The following UNC13C variants were observed in gnomAD, a reference collection of about 807,000 sequenced individuals.
UNC13C encodes the protein protein unc-13 homolog C.
UNC13C carries 174 observed loss-of-function variants against 245.4 expected under a neutral mutation model. The observed-to-expected ratio is 0.71, with a 90% CI of 0.63 to 0.80. The LOEUF is 0.80. Among genes scored for constraint, UNC13C ranks in the 30% least tolerant of loss-of-function variants. The pLI, the probability that UNC13C is intolerant of heterozygous loss-of-function variation, is 0.00. For synonymous variants in UNC13C, 992 were observed against 895.1 expected (o/e 1.11, Z -1.93); for missense variants, 2,829 against 2,602.9 (o/e 1.09, Z -1.89).
At chr15:54,544,239 C>T (rs1266116048) in intron 26 of UNC13C, among the ~76,000 whole-genome samples, 1 of 152,094 alleles carries the variant, frequency 6.6e-6, no homozygotes, top group Admixed American at 6.5e-5. Context: ...TGATAAAATT[C>T]AACAGCCCTT....
At chr15:53,906,493 A>G in the UNC13C span, among the ~76,000 whole-genome samples, 1 of 152,166 alleles carries the variant, frequency 6.6e-6, no homozygotes, top group Non-Finnish European at 1.5e-5. Context: ...TCTAGCAACT[A>G]TTCTTCTTTT....
chr15:54,495,681 A>C (rs1286858932), intron 20 of UNC13C, among the ~76,000 whole-genome samples: 1 of 152,084 alleles, frequency 6.6e-6, no homozygotes, highest in Non-Finnish European at 1.5e-5. Flanking sequence ...TTTTAAAAAA[A>C]TAATGTAGGA....
At chr15:54,380,912 C>G (rs2039710188) in intron 17 of UNC13C, among the ~76,000 whole-genome samples, 1 of 152,088 alleles carries the variant, frequency 6.6e-6, no homozygotes, top group Non-Finnish European at 1.5e-5. Flanking sequence ...TATAAGCTGT[C>G]CCTTCACTAT....
chr15:54,295,680 C>CAACA lies in UNC13C; in HGVS notation c.3988+1618_3988+1619insCAAA, dbSNP rs1555445454. Among the ~76,000 whole-genome samples the CAACA allele has an allele frequency of 4.0e-3, 596 of 149,548 alleles. 14 individuals carry two copies. The highest frequency in any genetic ancestry group is 0.014 in the African/African-American group (570 of 40,112). On this transcript the variant is annotated intron_variant, in intron 11 of 32. Transcript: ENST00000260323. Reference sequence around the variant, plus strand: ...AAAAATAAATACATAAGAAGAAGAACAAAAAGAAAAACCATGTACCAGACT... The same window carrying CAACA: ...AAAAATAAATACATAAGAAGAAGAACAACAAAAAAGAAAAACCATGTACCAGACT...
At chr15:53,877,364 T>C in the UNC13C span, among the ~76,000 whole-genome samples, 31 of 152,032 alleles carry the variant, frequency 2.0e-4, no homozygotes, top group African/African-American at 6.8e-4. Context: ...TGAGAGAAAC[T>C]CTTAGAAACA....
chr15:54,144,828 A>G (rs1331984385), intron 4 of UNC13C, among the ~76,000 whole-genome samples: 1 of 152,182 alleles, frequency 6.6e-6, no homozygotes, highest in African/African-American at 2.4e-5. Flanking sequence ...TATGGTAAAT[A>G]TATCACAATA....
Position 54,316,485 on chromosome 15 carries a change from A to G in UNC13C, c.4269-5454A>G, listed in dbSNP as rs147594238. 4.6e-5 allele frequency among the ~76,000 whole-genome samples: 7 copies of G among 151,978 alleles called. No homozygotes were observed. The East Asian group carries it at 1.4e-3, about 30-fold the overall frequency. The stretch of plus-strand genomic sequence containing the variant: ...GACATCTCCCCTGACCCTCCTCACC[A>G]GGCTGTGATATACACATTCTAACTG... On this transcript the variant is annotated intron_variant, in intron 13 of 32. Coordinates refer to ENST00000260323, the MANE Select transcript of UNC13C (RefSeq NM_001080534.3).
intron 2 of UNC13C, among the ~76,000 whole-genome samples, chr15:54,016,863 T>C (rs4776200): frequency 0.65 from 98,590 of 152,012 alleles, 32,033 homozygotes; most frequent in East Asian, 0.76. Context: ...TCATCATTAA[T>C]TAAGCTATTA....
At chr15:54,237,773 A>G (rs939376649) in intron 7 of UNC13C, 83 bp downstream of exon 7, 2 of 1,153,426 alleles carry the variant, frequency 1.7e-6, no homozygotes, top group Non-Finnish European at 2.5e-6. Context: ...TGAGCTACTC[A>G]TCTGTGATGT....
At chr15:54,042,582 G>C (rs964740771) in intron 2 of UNC13C, among the ~76,000 whole-genome samples, 1 of 152,134 alleles carries the variant, frequency 6.6e-6, no homozygotes. Flanking sequence ...GGCCGGGTGT[G>C]GTGGGTCACG....
At chr15:53,965,179 T>A in the UNC13C span, among the ~76,000 whole-genome samples, 1 of 152,184 alleles carries the variant, frequency 6.6e-6, no homozygotes, top group African/African-American at 2.4e-5. Flanking sequence ...GTAAAATTTT[T>A]AATGTAAAAA....
rs576882366 is a variant in UNC13C, at chr15:54,487,830, A to C, written c.4934-6778A>C. ...AAGAAATTTGATTACCATAATTTAC[A>C]ATTGTGACTAATCTTTCCTTTTTTC... On this transcript the variant is annotated intron_variant, in intron 19 of 32. Transcript: ENST00000260323. Among the ~76,000 whole-genome samples the C allele has an allele frequency of 7.9e-5, 12 of 150,976 alleles. 1 individual carries two copies. In the East Asian group the frequency reaches 2.4e-3, roughly 30 times the overall value.
chr15:54,011,110 G>A (rs1248047967), intron 1 of UNC13C, among the ~76,000 whole-genome samples: 1 of 152,054 alleles, frequency 6.6e-6, no homozygotes, highest in Non-Finnish European at 1.5e-5. Context: ...GGCTAGAGAG[G>A]ACATAAAAGT....
intron 2 of UNC13C, among the ~76,000 whole-genome samples, chr15:54,080,860 G>T (rs561365381): frequency 6.6e-6 from 1 of 151,860 alleles, no homozygotes; most frequent in Non-Finnish European, 1.5e-5. Context: ...TTTGCATTTG[G>T]TTAGTTTTTG....
chr15:53,925,153 G>A, the UNC13C span, among the ~76,000 whole-genome samples: 1 of 152,028 alleles, frequency 6.6e-6, no homozygotes, highest in African/African-American at 2.4e-5. Context: ...TTAATGGAGG[G>A]AATAAATGTA....
rs371199628 is a variant in UNC13C, at chr15:54,143,019, T to A, written c.2985T>A (p.Asp995Glu). 6.2e-7 allele frequency: 1 copy of A among 1,611,966 alleles called. No homozygotes were observed. The highest frequency in any genetic ancestry group is 8.5e-7 in the Non-Finnish European group (1 of 1,179,092). ...AELEEKILAGDSSSVDEKARI... is the reference protein window; with the variant it reads ...AELEEKILAGESSSVDEKARI... ...CTTCTTTTCCTGATTCTCTTTCAGA[T>A]AGCAGTTCTGTGGATGAAAAGGTTT... Residue 995 changes from aspartate to glutamate, a missense_variant and splice_region_variant, in exon 3 of 33, where the codon GAT becomes GAA. Coordinates refer to ENST00000260323, the MANE Select transcript of UNC13C (RefSeq NM_001080534.3).
chr15:54,453,085 C>T (rs150468331), intron 19 of UNC13C, among the ~76,000 whole-genome samples: 7 of 152,272 alleles, frequency 4.6e-5, no homozygotes, highest in South Asian at 2.1e-4. Context: ...GTATGAGGGA[C>T]CAAACCTGAG....
At chr15:54,583,214 A>G (rs993417757) in intron 30 of UNC13C, among the ~76,000 whole-genome samples, 6 of 152,200 alleles carry the variant, frequency 3.9e-5, no homozygotes, top group Non-Finnish European at 7.3e-5. Flanking sequence ...AACTATAACC[A>G]TAGGCAGTTT....
At chr15:54,085,292 G>A (rs776145654) in intron 2 of UNC13C, among the ~76,000 whole-genome samples, 4 of 152,172 alleles carry the variant, frequency 2.6e-5, no homozygotes, top group Non-Finnish European at 5.9e-5. Context: ...TTCTAGAAGT[G>A]TCAGCCGGAA....
Sources: gnomAD v4.1 joint callset for allele counts (sites outside exome capture counted in the v4.1 genomes callset) on GRCh38, gnomAD v4.1.1 for gene constraint, MANE v1.5 for transcripts, NCBI Gene and HGNC (gene_info 2026-07-23, HGNC 2026-07-21) for gene names.